The following EPHB1 variants were observed in gnomAD, a reference collection of about 807,000 sequenced individuals.
EPHB1 encodes ephrin type-B receptor 1.
A neutral mutation model predicts 94.4 loss-of-function variants in EPHB1; 30 were observed. The observed-to-expected ratio is 0.32, with a 90% CI of 0.24 to 0.43. EPHB1 has a LOEUF of 0.43. Ranked by LOEUF, EPHB1 falls within the 20% of genes least tolerant of loss-of-function variation. The pLI is 1.00. For synonymous variants in EPHB1, 522 were observed against 489.1 expected (o/e 1.07, Z -0.89); for missense variants, 1,055 against 1,308.3 (o/e 0.81, Z 2.99).
At chr3:134,916,633 G>A (rs906319286) in intron 1 of EPHB1, among the ~76,000 whole-genome samples, 37 of 152,328 alleles carry the variant, frequency 2.4e-4, no homozygotes, top group African/African-American at 7.0e-4. Context: ...CGGGGCTGGC[G>A]CGGCCAGCCG....
chr3:134,884,280 G>A (rs1338691939), intron 1 of EPHB1, among the ~76,000 whole-genome samples: 1 of 152,244 alleles, frequency 6.6e-6, no homozygotes, highest in African/African-American at 2.4e-5. Context: ...GAGAGGCCGG[G>A]AATTTGAATG....
At chr3:134,970,139 A>C (rs1455266203) in intron 3 of EPHB1, among the ~76,000 whole-genome samples, 1 of 152,222 alleles carries the variant, frequency 6.6e-6, no homozygotes, top group Non-Finnish European at 1.5e-5. Flanking sequence ...CATATGTTCA[A>C]GTTTATCTAA....
intron 1 of EPHB1, among the ~76,000 whole-genome samples, chr3:134,830,544 C>T (rs1032372739): frequency 6.6e-6 from 1 of 151,946 alleles, no homozygotes; most frequent in Non-Finnish European, 1.5e-5. Context: ...GGGTCTGGGC[C>T]GAGGAGCATG....
intron 1 of EPHB1, among the ~76,000 whole-genome samples, chr3:134,837,486 C>T (rs977587036): frequency 2.0e-5 from 3 of 152,130 alleles, no homozygotes; most frequent in African/African-American, 7.2e-5. Context: ...CCCATTGAGT[C>T]CAGGATGCTT....
At chr3:134,810,639 C>G (rs1461400005) in intron 1 of EPHB1, among the ~76,000 whole-genome samples, 1 of 152,202 alleles carries the variant, frequency 6.6e-6, no homozygotes, top group Non-Finnish European at 1.5e-5. Flanking sequence ...TTCAGCTGAG[C>G]TTGACAAAGC....
chr3:134,855,581 G>A (rs916369870), intron 1 of EPHB1, among the ~76,000 whole-genome samples: 1 of 152,220 alleles, frequency 6.6e-6, no homozygotes, highest in Admixed American at 6.5e-5. Context: ...AAAGTAGCAA[G>A]ATGGCTCCTG....
chr3:134,921,468 C>T (rs979283546), intron 1 of EPHB1, among the ~76,000 whole-genome samples: 3 of 152,166 alleles, frequency 2.0e-5, no homozygotes, highest in African/African-American at 7.2e-5. Flanking sequence ...TAGGCTCAGC[C>T]AGAATAGGGT....
intron 1 of EPHB1, among the ~76,000 whole-genome samples, chr3:134,828,381 G>T (rs1305134073): frequency 2.0e-5 from 3 of 152,216 alleles, no homozygotes; most frequent in Admixed American, 6.5e-5. Context: ...AGAAAAAATG[G>T]AGCATTTTAG....
At chr3:134,822,204 T>C (rs1157602263) in intron 1 of EPHB1, among the ~76,000 whole-genome samples, 4 of 152,184 alleles carry the variant, frequency 2.6e-5, no homozygotes, top group Non-Finnish European at 4.4e-5. Flanking sequence ...GCCCTGTGGC[T>C]CCTGGGGTCC....
At chr3:134,952,367 T>A (rs1559769326) in intron 3 of EPHB1, among the ~76,000 whole-genome samples, 3 of 115,678 alleles carry the variant, frequency 2.6e-5, no homozygotes, top group African/African-American at 1.3e-4. Flanking sequence ...TCTCTCTCTC[T>A]CTCTCACACA....
At chr3:134,811,888 A>G (rs1161310929) in intron 1 of EPHB1, among the ~76,000 whole-genome samples, 1 of 152,142 alleles carries the variant, frequency 6.6e-6, no homozygotes, top group African/African-American at 2.4e-5. Context: ...CCCCCTATTG[A>G]GCAGGTATTA....
chr3:135,003,710 G>A (rs1263594115), intron 3 of EPHB1, among the ~76,000 whole-genome samples: 13 of 152,086 alleles, frequency 8.5e-5, no homozygotes, highest in African/African-American at 3.1e-4. Flanking sequence ...TTACCATTAT[G>A]TAATGGCCTT....
intron 1 of EPHB1, among the ~76,000 whole-genome samples, chr3:134,880,367 A>G (rs778051100): frequency 6.6e-6 from 1 of 152,172 alleles, no homozygotes; most frequent in Non-Finnish European, 1.5e-5. Flanking sequence ...TGGTGAGGAT[A>G]CCTTCAGGGC....
chr3:134,899,371 T>C (rs1402734835), intron 1 of EPHB1, among the ~76,000 whole-genome samples: 1 of 152,168 alleles, frequency 6.6e-6, no homozygotes, highest in African/African-American at 2.4e-5. Context: ...ACAAAGATTC[T>C]ACACTGGGCA....
chr3:135,203,415 TA>T (rs1174404588), intron 12 of EPHB1, among the ~76,000 whole-genome samples: 10 of 151,636 alleles, frequency 6.6e-5, no homozygotes, highest in Admixed American at 2.0e-4. Context: ...AAGTAAAATT[TA>T]AAAAAAAGAA....
chr3:135,092,171 G>A (rs913484310), intron 3 of EPHB1, among the ~76,000 whole-genome samples: 1 of 152,168 alleles, frequency 6.6e-6, no homozygotes, highest in Non-Finnish European at 1.5e-5. Context: ...TGGCAGCCGG[G>A]CACTGAGAAG....
At chr3:135,007,437 T>C (rs752880552) in intron 3 of EPHB1, among the ~76,000 whole-genome samples, 3 of 152,188 alleles carry the variant, frequency 2.0e-5, no homozygotes, top group Non-Finnish European at 4.4e-5. Context: ...CCCGAAATAA[T>C]GGCAAGTGGA....
At chr3:135,027,384 G>A (rs879426079) in intron 3 of EPHB1, among the ~76,000 whole-genome samples, 54 of 144,602 alleles carry the variant, frequency 3.7e-4, no homozygotes, top group Non-Finnish European at 5.9e-4. Context: ...TTTGAAATAC[G>A]TCCCATCAAT....
chr3:134,884,702 C>T (rs943124737), intron 1 of EPHB1, among the ~76,000 whole-genome samples: 13 of 152,130 alleles, frequency 8.5e-5, no homozygotes, highest in African/African-American at 3.1e-4. Flanking sequence ...TATTCTGAAT[C>T]CTTGCATTTT....
Sources: gnomAD v4.1 joint callset for allele counts (sites outside exome capture counted in the v4.1 genomes callset) on GRCh38, gnomAD v4.1.1 for gene constraint, MANE v1.5 for transcripts, NCBI Gene and HGNC (gene_info 2026-07-23, HGNC 2026-07-21) for gene names.